Variants in GPRIN3 observed in about 807,000 individuals in gnomAD.
GPRIN3 encodes G protein-regulated inducer of neurite outgrowth 3.
A neutral mutation model predicts 13.7 loss-of-function variants in GPRIN3; 12 were observed. The observed-to-expected ratio is 0.87, with a 90% CI of 0.56 to 1.42. The LOEUF is 1.42. Among genes scored for constraint, GPRIN3 ranks in the 40% most tolerant of loss-of-function variants. The pLI, the probability that GPRIN3 is intolerant of heterozygous loss-of-function variation, is 0.00. For missense variants in GPRIN3, 1,009 were observed against 958.7 expected (o/e 1.05, Z -0.69); for synonymous variants, 377 against 372.7 (o/e 1.01, Z -0.13).
rs61743968 is a variant in GPRIN3, at chr4:89,250,165, G to C, written c.-55C>G. ...TCTCTTGAGTACTGGTCCCACTGGT[G>C]GGGGAGGGGAGCGCAGTCAGAGCTC... is the stretch of plus-strand genomic sequence containing the variant. On this transcript the variant is annotated 5_prime_UTR_variant, in exon 2 of 2. Coordinates refer to ENST00000609438, the MANE Select transcript of GPRIN3 (RefSeq NM_198281.3). 945 of 1,547,214 alleles carry C rather than the reference G, an allele frequency of 6.1e-4. 5 individuals carry two copies. The African/African-American group carries it at 0.012, about 19-fold the overall frequency.
chr4:89,255,239 C>G (rs904491905), intron 1 of GPRIN3, among the ~76,000 whole-genome samples: 1 of 152,078 alleles, frequency 6.6e-6, no homozygotes, highest in Non-Finnish European at 1.5e-5. Flanking sequence ...AGTAACTCAA[C>G]CTCTCAGGGC....
At chr4:89,266,693 A>G (rs1162402088) in intron 1 of GPRIN3, among the ~76,000 whole-genome samples, 1 of 152,218 alleles carries the variant, frequency 6.6e-6, no homozygotes, top group Non-Finnish European at 1.5e-5. Flanking sequence ...ACAAAATGGA[A>G]GCAGAAAAAT....
intron 1 of GPRIN3, among the ~76,000 whole-genome samples, chr4:89,291,137 C>G (rs531316515): frequency 6.6e-6 from 1 of 152,246 alleles, no homozygotes; most frequent in East Asian, 1.9e-4. Context: ...GACCTCAGAA[C>G]TAGGAGGACG....
chr4:89,278,260 A>G (rs1427529921), intron 1 of GPRIN3, among the ~76,000 whole-genome samples: 2 of 152,202 alleles, frequency 1.3e-5, no homozygotes, highest in African/African-American at 4.8e-5. Flanking sequence ...ATGAGCTACC[A>G]TATTTCAAAA....
At chr4:89,260,543 A>G (rs904686024) in intron 1 of GPRIN3, among the ~76,000 whole-genome samples, 6 of 152,214 alleles carry the variant, frequency 3.9e-5, no homozygotes, top group African/African-American at 1.4e-4. Context: ...GGAAATATCA[A>G]TCCTTTTGAG....
At chr4:89,262,287 G>A (rs1403445220) in intron 1 of GPRIN3, among the ~76,000 whole-genome samples, 2 of 152,016 alleles carry the variant, frequency 1.3e-5, no homozygotes, top group African/African-American at 4.8e-5. Context: ...AGAAAAATGA[G>A]TATCTTTGCT....
chr4:89,275,806 G>A (rs563820133), intron 1 of GPRIN3, among the ~76,000 whole-genome samples: 3 of 152,254 alleles, frequency 2.0e-5, no homozygotes, highest in Non-Finnish European at 2.9e-5. Context: ...CTACAATGCC[G>A]TCACGGTAAT....
At chr4:89,290,230 A>G (rs1355824937) in intron 1 of GPRIN3, among the ~76,000 whole-genome samples, 1 of 151,950 alleles carries the variant, frequency 6.6e-6, no homozygotes, top group African/African-American at 2.4e-5. Flanking sequence ...TAGGCCTCCC[A>G]AAGTGCTGGG....
At chr4:89,296,072 G>A (rs908049150) in intron 1 of GPRIN3, among the ~76,000 whole-genome samples, 8 of 151,884 alleles carry the variant, frequency 5.3e-5, no homozygotes, top group African/African-American at 1.5e-4. Flanking sequence ...TGTATACTAC[G>A]TAAGATCCTC....
Position 89,246,482 on chromosome 4 carries a change from C to T in GPRIN3, c.*1298G>A, listed in dbSNP as rs36120117. ...GGGACACACGTCTCTTCTGGAGACA[C>T]GGGAGGGCCAAGGTCCCAGGAAGTA... On this transcript the variant is annotated 3_prime_UTR_variant, in exon 2 of 2. Transcript: ENST00000609438. The T allele has an allele frequency of 0.14, 21,071 of 152,096 alleles. 1,622 individuals are homozygous for T. Among genetic ancestry groups the T allele is most frequent in the East Asian group, 0.24 (1,255 of 5,158 alleles). The allele number at this position is 152,096 out of a possible 1,614,324, so 9.4% of individuals were successfully genotyped here.
chr4:89,259,802 T>C (rs1217325813), intron 1 of GPRIN3, among the ~76,000 whole-genome samples: 1 of 152,118 alleles, frequency 6.6e-6, no homozygotes, highest in East Asian at 1.9e-4. Context: ...GGCGGACACC[T>C]AAGTGGGAGA....
rs764791232 is a variant in GPRIN3 at position 89,247,932 on chromosome 4, G to A, written c.2179C>T (p.Gln727Ter). 1 of 1,614,146 alleles carries A rather than the reference G, an allele frequency of 6.2e-7. No individual in the cohort carries two copies. The highest frequency in any genetic ancestry group is 8.5e-7 in the Non-Finnish European group (1 of 1,180,004). ...IREHEKLIKT[Q>*]NSQTRRSISS... ...ATGGATCTCCGGGTCTGGCTATTTT[G>A]AGTTTTGATTAATTTCTCATGTTCC... The change falls in exon 2 of 2, where the codon CAA becomes TAA. Residue 727 changes from glutamine to a stop codon, truncating the protein, a stop_gained. Transcript: ENST00000609438. LOFTEE classifies it high-confidence loss of function.
intron 1 of GPRIN3, among the ~76,000 whole-genome samples, chr4:89,271,404 C>G (rs980076192): frequency 2.0e-5 from 3 of 151,932 alleles, no homozygotes; most frequent in Admixed American, 2.0e-4. Flanking sequence ...AGGACCCCCA[C>G]TTCAGACACC....
chr4:89,273,372 C>A (rs1335986637), intron 1 of GPRIN3, among the ~76,000 whole-genome samples: 1 of 152,154 alleles, frequency 6.6e-6, no homozygotes, highest in Non-Finnish European at 1.5e-5. Context: ...ATTGCTAGAA[C>A]ATAAACTAAT....
intron 1 of GPRIN3, among the ~76,000 whole-genome samples, chr4:89,288,917 T>C (rs969314441): frequency 5.3e-5 from 8 of 152,120 alleles, no homozygotes; most frequent in African/African-American, 1.9e-4. Flanking sequence ...GTTTTTCAGT[T>C]TTAAGATCAA....
intron 1 of GPRIN3, among the ~76,000 whole-genome samples, chr4:89,299,799 T>C (rs957143177): frequency 1.3e-5 from 2 of 152,182 alleles, no homozygotes; most frequent in African/African-American, 4.8e-5. Context: ...AAGATTGAGA[T>C]ACACTCTGGA....
chr4:89,296,646 C>T (rs1412269499), intron 1 of GPRIN3, among the ~76,000 whole-genome samples: 8 of 151,768 alleles, frequency 5.3e-5, no homozygotes, highest in Non-Finnish European at 8.8e-5. Context: ...TTTGTTTTTT[C>T]TTGTTTGTGT....
At chr4:89,256,350 G>A (rs72872506) in intron 1 of GPRIN3, among the ~76,000 whole-genome samples, 4,363 of 152,158 alleles carry the variant, frequency 0.029, 172 homozygotes, top group African/African-American at 0.099. Context: ...TCACCTTAGG[G>A]AAAGTCCAAC....
chr4:89,301,919 G>T (rs1205081908), intron 1 of GPRIN3, among the ~76,000 whole-genome samples: 5 of 152,106 alleles, frequency 3.3e-5, no homozygotes, highest in Non-Finnish European at 7.4e-5. Context: ...TTTTTTTAAG[G>T]GTTCTCTTGC....
Sources: gnomAD v4.1 joint callset for allele counts (sites outside exome capture counted in the v4.1 genomes callset) on GRCh38, gnomAD v4.1.1 for gene constraint, MANE v1.5 for transcripts, NCBI Gene and HGNC (gene_info 2026-07-23, HGNC 2026-07-21) for gene names.